NCKAP5: variants seen among roughly 807,000 people sequenced by gnomAD.
NCKAP5 encodes the protein NCK associated protein 5.
In NCKAP5, 92 loss-of-function variants were observed where a neutral mutation model predicts 167.0. The observed-to-expected ratio is 0.55, with a 90% CI of 0.47 to 0.66. The LOEUF is 0.66. Among genes scored for constraint, NCKAP5 ranks in the 30% least tolerant of loss-of-function variants. The pLI, the probability that NCKAP5 is intolerant of heterozygous loss-of-function variation, is 0.00. For missense variants in NCKAP5, 2,378 were observed against 2,315.0 expected (o/e 1.03, Z -0.56); for synonymous variants, 891 against 877.4 (o/e 1.02, Z -0.27).
At chr2:133,640,143 A>G in the NCKAP5 span, among the ~76,000 whole-genome samples, 1 of 152,214 alleles carries the variant, frequency 6.6e-6, no homozygotes, top group African/African-American at 2.4e-5. Context: ...ATATTTGAAG[A>G]AGTGAGATGT....
rs3051199 is a variant in NCKAP5, at chr2:133,096,489, AAAATAAATAAAT to A, written c.341+33477_341+33488del. ...GTTGACAGAGTGAGACTCTGTCTCA[AAAATAAATAAAT>A]AAATAAATAAATAAATAAATAAATA... On this transcript the variant is annotated intron_variant, in intron 6 of 19. Coordinates refer to ENST00000409261, the MANE Select transcript of NCKAP5 (RefSeq NM_207363.3). Among the ~76,000 whole-genome samples, 431 of 146,866 alleles carry A rather than the reference AAAATAAATAAAT, an allele frequency of 2.9e-3. 3 individuals are homozygous for A. The highest frequency in any genetic ancestry group is 0.017 in the Middle Eastern group (5 of 286).
intron 5 of NCKAP5, among the ~76,000 whole-genome samples, chr2:133,187,211 C>T (rs2084985286): frequency 6.6e-6 from 1 of 151,958 alleles, no homozygotes. Flanking sequence ...TTGATTTTCA[C>T]CCAAGAGTTA....
chr2:132,917,709 T>C (rs995057943), intron 8 of NCKAP5, among the ~76,000 whole-genome samples: 3 of 152,126 alleles, frequency 2.0e-5, no homozygotes, highest in Non-Finnish European at 2.9e-5. Context: ...GGCTTAAACA[T>C]CCAGCTCCCA....
rs193235550 is a variant in NCKAP5 at position 133,351,503 on chromosome 2, G to C, written c.70-48393C>G. On this transcript the variant is annotated intron_variant, in intron 3 of 19. Transcript: ENST00000409261. Reference sequence around the variant, plus strand: ...TGAGGGTTGAATGAGAAAATGTACCGTGCTTAACACACACATCATTAGGTA... The same window carrying C: ...TGAGGGTTGAATGAGAAAATGTACCCTGCTTAACACACACATCATTAGGTA... Among the ~76,000 whole-genome samples the C allele has an allele frequency of 3.7e-4, 57 of 152,090 alleles. 1 individual carries two copies. Among genetic ancestry groups the C allele is most frequent in the African/African-American group, 1.3e-3 (55 of 41,414 alleles).
chr2:132,799,554 G>T (rs1174150000), intron 11 of NCKAP5, among the ~76,000 whole-genome samples: 1 of 151,960 alleles, frequency 6.6e-6, no homozygotes, highest in East Asian at 1.9e-4. Flanking sequence ...TATTAAGAAG[G>T]GAAAACAAAC....
intron 6 of NCKAP5, among the ~76,000 whole-genome samples, chr2:133,036,374 G>C (rs1354113911): frequency 6.6e-6 from 1 of 151,578 alleles, no homozygotes; most frequent in Non-Finnish European, 1.5e-5. Flanking sequence ...CATCAAAAAA[G>C]ACCACAAGCC....
At chr2:132,848,538 G>A (rs147161365) in intron 11 of NCKAP5, among the ~76,000 whole-genome samples, 1 of 152,088 alleles carries the variant, frequency 6.6e-6, no homozygotes, top group Non-Finnish European at 1.5e-5. Flanking sequence ...TGTATAATGT[G>A]TTCTATTTTG....
intron 4 of NCKAP5, among the ~76,000 whole-genome samples, chr2:133,292,549 G>A (rs1392532813): frequency 6.6e-6 from 1 of 152,112 alleles, no homozygotes; most frequent in Non-Finnish European, 1.5e-5. Context: ...GTCATATTAA[G>A]ATAAGCATGG....
intron 3 of NCKAP5, among the ~76,000 whole-genome samples, chr2:133,394,259 T>C (rs1687601579): frequency 6.6e-6 from 1 of 152,206 alleles, no homozygotes; most frequent in African/African-American, 2.4e-5. Context: ...CTTGAAGTGT[T>C]TGTGGGATGT....
chr2:133,414,744 A>G (rs1038974400), intron 3 of NCKAP5, among the ~76,000 whole-genome samples: 3 of 152,180 alleles, frequency 2.0e-5, no homozygotes, highest in Non-Finnish European at 2.9e-5. Context: ...GCTTTCTCTG[A>G]ATTTTACTAT....
At chr2:133,304,837 A>C (rs1680662727) in intron 3 of NCKAP5, among the ~76,000 whole-genome samples, 1 of 152,212 alleles carries the variant, frequency 6.6e-6, no homozygotes, top group South Asian at 2.1e-4. Context: ...GGTTATACTA[A>C]ATAAGTGAAC....
At chr2:133,246,874 T>C (rs1342456902) in intron 4 of NCKAP5, among the ~76,000 whole-genome samples, 1 of 152,162 alleles carries the variant, frequency 6.6e-6, no homozygotes, top group Non-Finnish European at 1.5e-5. Context: ...TTAAGACATG[T>C]AGACCCTCCC....
At chr2:132,914,990 C>CAAAA (rs11404641) in intron 8 of NCKAP5, among the ~76,000 whole-genome samples, 1,151 of 104,006 alleles carry the variant, frequency 0.011, 20 homozygotes, top group African/African-American at 0.031. Context: ...AAGCTATGGC[C>CAAAA]AAAAAAAAAA....
the NCKAP5 span, among the ~76,000 whole-genome samples, chr2:133,609,372 G>A: frequency 2.0e-5 from 3 of 152,164 alleles, no homozygotes; most frequent in Non-Finnish European, 2.9e-5. Flanking sequence ...TATGTTCACG[G>A]TTTTGTTTTT....
chr2:133,339,187 C>T (rs1683412507), intron 3 of NCKAP5, among the ~76,000 whole-genome samples: 1 of 151,998 alleles, frequency 6.6e-6, no homozygotes, highest in East Asian at 1.9e-4. Flanking sequence ...TCTTATGTCT[C>T]TTAGCAATAG....
chr2:132,954,295 A>G (rs572449958), intron 8 of NCKAP5, among the ~76,000 whole-genome samples: 218 of 152,272 alleles, frequency 1.4e-3, no homozygotes, highest in African/African-American at 4.8e-3. Flanking sequence ...ATACTGAGTG[A>G]CAATGGTGGC....
chr2:133,015,346 A>G (rs938821524), intron 6 of NCKAP5, among the ~76,000 whole-genome samples: 2 of 100,360 alleles, frequency 2.0e-5, no homozygotes, highest in Non-Finnish European at 4.3e-5. Flanking sequence ...TGACCAGATA[A>G]AAGAACCGAA....
intron 4 of NCKAP5, among the ~76,000 whole-genome samples, chr2:133,219,587 TC>T (rs760696176): frequency 2.0e-5 from 3 of 152,158 alleles, no homozygotes; most frequent in African/African-American, 2.4e-5. Flanking sequence ...TGAATTATAT[TC>T]CCTTTTAAAA....
At chr2:133,615,472 A>C in the NCKAP5 span, among the ~76,000 whole-genome samples, 2 of 152,160 alleles carry the variant, frequency 1.3e-5, no homozygotes, top group Non-Finnish European at 2.9e-5. Flanking sequence ...AAGCAAATGG[A>C]AAACAAAAAA....
Sources: gnomAD v4.1 joint callset for allele counts (sites outside exome capture counted in the v4.1 genomes callset) on GRCh38, gnomAD v4.1.1 for gene constraint, MANE v1.5 for transcripts, NCBI Gene and HGNC (gene_info 2026-07-23, HGNC 2026-07-21) for gene names.